ABCA12: variants seen among roughly 807,000 people sequenced by gnomAD.
ABCA12 encodes the protein glucosylceramide transporter ABCA12.
Under a neutral mutation model 293.5 loss-of-function variants are expected in ABCA12, and 156 were observed. That is an observed-to-expected ratio of 0.53 (90% CI 0.47 to 0.61). The LOEUF (loss-of-function observed/expected upper bound fraction) is 0.61, where lower values mean the gene tolerates loss of function less well. Ranked by LOEUF, ABCA12 falls within the 20% of genes least tolerant of loss-of-function variation. The pLI is 0.00. For synonymous variants in ABCA12, 1,063 were observed against 1,108.0 expected (o/e 0.96, Z 0.81); for missense variants, 2,797 against 3,090.2 (o/e 0.91, Z 2.25).
rs886055610 is a variant in ABCA12 at position 215,011,612 on chromosome 2, C to A, written c.2159G>T (p.Gly720Val). The change falls in exon 17 of 53, where the codon GGA becomes GTA. Residue 720 changes from glycine (G) to valine (V), a missense_variant. Gly to Val is a moderately radical substitution (Grantham distance 109). This residue lies in a region of ABCA12 where 2,130 missense variants were observed against 2,427.0 expected (regional missense o/e 0.88). Coordinates refer to ENST00000272895, the MANE Select transcript of ABCA12 (RefSeq NM_173076.3). ...YRSNRMNTPQ[G>V]SFSTISQALC... ...TGCTTGGGAGATGGTGCTAAATGATCCTTGTGGTGTGTTCATTCGGTTGCT... is the reference window on the plus strand; with the variant it reads ...TGCTTGGGAGATGGTGCTAAATGATACTTGTGGTGTGTTCATTCGGTTGCT... 2.5e-6 allele frequency: 4 copies of A among 1,614,000 alleles called. No homozygotes were observed. The highest frequency in any genetic ancestry group is 1.7e-6 in the Non-Finnish European group (2 of 1,179,914).
chr2:215,075,306 A>C (rs987190920), intron 2 of ABCA12, among the ~76,000 whole-genome samples: 1 of 152,124 alleles, frequency 6.6e-6, no homozygotes, highest in African/African-American at 2.4e-5. Context: ...AAACAGTGTA[A>C]AGTTGTTAGG....
At chr2:215,119,431 G>A (rs1162475679) in intron 1 of ABCA12, among the ~76,000 whole-genome samples, 1 of 152,152 alleles carries the variant, frequency 6.6e-6, no homozygotes, top group African/African-American at 2.4e-5. Context: ...GATTTTTAGA[G>A]TTTGAGGTCT....
intron 49 of ABCA12, among the ~76,000 whole-genome samples, chr2:214,943,512 T>C (rs1203693892): frequency 6.6e-6 from 1 of 152,122 alleles, no homozygotes. Context: ...TCTCTTAAAA[T>C]ATAAATTAAA....
intron 6 of ABCA12, among the ~76,000 whole-genome samples, chr2:215,047,151 T>C (rs1288720212): frequency 1.3e-5 from 2 of 152,138 alleles, no homozygotes; most frequent in African/African-American, 2.4e-5. Context: ...GATGGGTTGA[T>C]AGGTGCAGCA....
chr2:215,014,342 T>C (rs1030807243), intron 15 of ABCA12, among the ~76,000 whole-genome samples: 2 of 146,280 alleles, frequency 1.4e-5, no homozygotes, highest in Non-Finnish European at 2.9e-5. Context: ...AAAAGGTCAA[T>C]GTTAAGCAAA....
chr2:215,006,279 A>G (rs528257674), intron 19 of ABCA12, among the ~76,000 whole-genome samples: 16 of 152,254 alleles, frequency 1.1e-4, no homozygotes, highest in African/African-American at 3.4e-4. Context: ...GAAAATGGCA[A>G]TGTGTTGTTC....
At chr2:214,949,369 T>TACACACAC (rs1476383736) in intron 45 of ABCA12, among the ~76,000 whole-genome samples, 4 of 143,420 alleles carry the variant, frequency 2.8e-5, no homozygotes, top group African/African-American at 1.2e-4. Context: ...TATATATATA[T>TACACACAC]ATATATATAC....
At chr2:214,970,993 G>A (rs1699374427) in intron 36 of ABCA12, among the ~76,000 whole-genome samples, 2 of 152,062 alleles carry the variant, frequency 1.3e-5, no homozygotes, top group African/African-American at 4.8e-5. Flanking sequence ...AAAGCTAGTG[G>A]AGAGTTCCTG....
chr2:215,134,305 C>T lies in ABCA12; in HGVS notation c.69+3835G>A, dbSNP rs146782067. Among the ~76,000 whole-genome samples the T allele has an allele frequency of 1.0e-3, 130 of 126,884 alleles. 1 individual carries two copies. The highest frequency in any genetic ancestry group is 3.4e-3 in the African/African-American group (115 of 33,542). The allele number at this position is 126,884 out of a possible 152,430, so 83.2% of individuals were successfully genotyped here. The stretch of plus-strand genomic sequence containing the variant: ...GTATATATGTATATGTACATATATA[C>T]GTATATGTGTATATATGTATATATG... On this transcript the variant is annotated intron_variant, in intron 1 of 52. Transcript: ENST00000272895.
chr2:215,097,909 G>T (rs553078603), intron 2 of ABCA12, among the ~76,000 whole-genome samples: 3 of 151,934 alleles, frequency 2.0e-5, no homozygotes, highest in Non-Finnish European at 4.4e-5. Context: ...TCAGTTCTTG[G>T]GTATATCTCT....
intron 39 of ABCA12, chr2:214,960,392 G>T (rs1015468203): frequency 6.6e-6 from 1 of 151,954 alleles, no homozygotes; most frequent in Non-Finnish European, 1.5e-5. Flanking sequence ...TTGTATTTCA[G>T]AATCAAGAAA....
rs755122858 is a variant in ABCA12, at chr2:215,031,900, A to C, written c.986-4T>G. On this transcript the variant is annotated splice_region_variant and splice_polypyrimidine_tract_variant and intron_variant, in intron 8 of 52. Transcript: ENST00000272895. ...TGCGTTATATTATCGGAGTCACCTG[A>C]AGTAATAATTTTTATATAGGTAAAC... is the stretch of plus-strand genomic sequence containing the variant. 1 of 1,613,622 alleles carries C rather than the reference A, an allele frequency of 6.2e-7. No homozygotes were observed. The highest frequency in any genetic ancestry group is 8.5e-7 in the Non-Finnish European group (1 of 1,179,814).
chr2:214,990,930 T>G lies in ABCA12; in HGVS notation c.3396A>C (p.Ile1132=). ...TAGGAAGAATATTGCCAAACTTGAG[T>G]ATAATGATGAGGATCACGATGGTAA... is the stretch of plus-strand genomic sequence containing the variant. ...LLVTIVILII[I]LKFGNILPKT... Residue 1132 remains isoleucine, a synonymous_variant, in exon 24 of 53, where the codon ATA becomes ATC. Coordinates refer to ENST00000272895, the MANE Select transcript of ABCA12 (RefSeq NM_173076.3). 1 of 1,613,866 alleles carries G rather than the reference T, an allele frequency of 6.2e-7. No individual in the cohort carries two copies. The highest frequency in any genetic ancestry group is 8.5e-7 in the Non-Finnish European group (1 of 1,179,944).
chr2:214,946,733 T>C (rs1698594452), intron 48 of ABCA12, among the ~76,000 whole-genome samples: 1 of 152,196 alleles, frequency 6.6e-6, no homozygotes, highest in African/African-American at 2.4e-5. Context: ...AGGGCAAGTA[T>C]ATTTTTCTGA....
rs563097303 is a variant in ABCA12 at position 215,111,718 on chromosome 2, T to C, written c.70-28A>G. 537 of 1,563,722 alleles carry C rather than the reference T, an allele frequency of 3.4e-4. 12 individuals are homozygous for C. In the South Asian group the frequency reaches 5.6e-3, roughly 16 times the overall value. ...GCAAAATAATGGTAGAAAAAATTGT[T>C]AGTTTTATTGTTGAACCAAAGATTT... is the stretch of plus-strand genomic sequence containing the variant. On this transcript the variant is annotated intron_variant, in intron 1 of 52. Transcript: ENST00000272895.
intron 1 of ABCA12, among the ~76,000 whole-genome samples, chr2:215,132,499 CT>C (rs141826655): frequency 0.036 from 5,239 of 147,256 alleles, 149 homozygotes; most frequent in African/African-American, 0.067. Flanking sequence ...ATGCCTTTGT[CT>C]TTTTTTTTTA....
At chr2:214,976,505 G>A (rs1165115613) in intron 33 of ABCA12, among the ~76,000 whole-genome samples, 1 of 152,138 alleles carries the variant, frequency 6.6e-6, no homozygotes, top group Admixed American at 6.6e-5. Context: ...CCTATTGTGA[G>A]TAACTTAGTG....
At chr2:214,951,767 G>GT (rs370461682) in intron 44 of ABCA12, among the ~76,000 whole-genome samples, 3 of 151,904 alleles carry the variant, frequency 2.0e-5, no homozygotes, top group South Asian at 4.2e-4. Flanking sequence ...AAAAAAGAAT[G>GT]TTTTTTTCAA....
At chr2:215,118,847 T>A (rs557417983) in intron 1 of ABCA12, among the ~76,000 whole-genome samples, 32 of 152,346 alleles carry the variant, frequency 2.1e-4, no homozygotes, top group African/African-American at 7.5e-4. Flanking sequence ...GCCCGTTTTT[T>A]AAATGGGATT....
Sources: allele counts gnomAD v4.1 joint callset (sites outside exome capture counted in the v4.1 genomes callset), GRCh38; gene constraint gnomAD v4.1.1; regional missense constraint gnomAD v4.1.1; transcripts MANE v1.5; gene names NCBI Gene and HGNC (gene_info 2026-07-23, HGNC 2026-07-21).